Variants in SPMIP11 observed in about 807,000 individuals in gnomAD.
The protein encoded by SPMIP11 is long intergenic non-protein coding RNA 935.
At chr12:48,756,771 C>CTTTTT in the SPMIP11 span, among the ~76,000 whole-genome samples, 15 of 108,714 alleles carry the variant, frequency 1.4e-4, no homozygotes, top group African/African-American at 4.0e-4. Context: ...ATTTTTTTTT[C>CTTTTT]TTTTTTTCTT....
the SPMIP11 span, among the ~76,000 whole-genome samples, chr12:48,761,299 A>T: frequency 6.6e-6 from 1 of 151,928 alleles, no homozygotes; most frequent in South Asian, 2.1e-4. Flanking sequence ...ATACAAAAAA[A>T]TGTTAGCCGG....
At chr12:48,757,645 C>CAAAA in the SPMIP11 span, among the ~76,000 whole-genome samples, 1 of 93,522 alleles carries the variant, frequency 1.1e-5, no homozygotes, top group Non-Finnish European at 2.2e-5. Flanking sequence ...GACTCTATCT[C>CAAAA]AAAAAAATAA....
the SPMIP11 span, among the ~76,000 whole-genome samples, chr12:48,743,959 A>G: frequency 6.7e-6 from 1 of 149,966 alleles, no homozygotes; most frequent in African/African-American, 2.5e-5. Context: ...AAAAAAAAAA[A>G]AAAATTGGCC....
the SPMIP11 span, among the ~76,000 whole-genome samples, chr12:48,769,618 G>A: frequency 7.0e-6 from 1 of 142,822 alleles, no homozygotes; most frequent in African/African-American, 2.6e-5. Context: ...ATGGAGTCTT[G>A]CTCTGTTGCC....
the SPMIP11 span, chr12:48,767,432 G>C: frequency 6.5e-6 from 1 of 152,722 alleles, no homozygotes; most frequent in Admixed American, 6.5e-5. Context: ...TTTATTCCCA[G>C]AAGACAGAGG....
At chr12:48,742,884 T>C in the SPMIP11 span, among the ~76,000 whole-genome samples, 1 of 151,794 alleles carries the variant, frequency 6.6e-6, no homozygotes, top group Non-Finnish European at 1.5e-5. Flanking sequence ...AAACTCCATT[T>C]AAAAAAATAA....
chr12:48,728,109 G>T, the SPMIP11 span, among the ~76,000 whole-genome samples: 88,720 of 151,854 alleles, frequency 0.58, 26,229 homozygotes, highest in East Asian at 0.76. Flanking sequence ...GTCATTCGTT[G>T]GCTCATTTAA....
the SPMIP11 span, chr12:48,759,301 G>A: frequency 1.2e-4 from 87 of 702,842 alleles, no homozygotes; most frequent in Admixed American, 4.2e-4. Context: ...AAGATACCAC[G>A]AAGCTGTCCG....
chr12:48,736,078 C>G, the SPMIP11 span: 1 of 450,394 alleles, frequency 2.2e-6, no homozygotes, highest in South Asian at 1.6e-5. Context: ...TTCATTTTTC[C>G]TATCCCTAGA....
the SPMIP11 span, chr12:48,771,420 T>C: frequency 2.4e-5 from 13 of 549,576 alleles, no homozygotes; most frequent in Non-Finnish European, 3.6e-5. The surrounding 1 kb of genome is among the most constrained non-coding windows in gnomAD (Gnocchi z 4.3). Context: ...CCACAGACTA[T>C]TGCCTTCTTC....
chr12:48,765,355 C>T, the SPMIP11 span, among the ~76,000 whole-genome samples: 2 of 152,190 alleles, frequency 1.3e-5, no homozygotes, highest in South Asian at 2.1e-4. Context: ...CATTAGCTCC[C>T]GAGTAGCTGG....
At chr12:48,758,253 A>G in the SPMIP11 span, among the ~76,000 whole-genome samples, 95,622 of 152,114 alleles carry the variant, frequency 0.63, 30,429 homozygotes, top group East Asian at 0.79. Flanking sequence ...AAAACTACAC[A>G]TGGTGGATAG....
At chr12:48,758,903 T>C in the SPMIP11 span, among the ~76,000 whole-genome samples, 1 of 152,226 alleles carries the variant, frequency 6.6e-6, no homozygotes, top group Non-Finnish European at 1.5e-5. Flanking sequence ...TCTACCCAGA[T>C]AAGGGCCTTT....
At chr12:48,768,393 T>A in the SPMIP11 span, 2 of 714,182 alleles carry the variant, frequency 2.8e-6, no homozygotes, top group Non-Finnish European at 4.6e-6. Context: ...ACTTGCATAA[T>A]CCTCTCGGTA....
At chr12:48,744,046 C>T in the SPMIP11 span, among the ~76,000 whole-genome samples, 2 of 148,898 alleles carry the variant, frequency 1.3e-5, no homozygotes, top group East Asian at 2.0e-4. Flanking sequence ...GTTGGGAATT[C>T]GAGACCAGCC....
the SPMIP11 span, among the ~76,000 whole-genome samples, chr12:48,745,554 C>G: frequency 6.6e-6 from 1 of 152,074 alleles, no homozygotes; most frequent in East Asian, 1.9e-4. Context: ...TGCAGGGAGC[C>G]GAGATTGCAC....
At chr12:48,771,109 TG>T in the SPMIP11 span, 1 of 852,516 alleles carries the variant, frequency 1.2e-6, no homozygotes, top group African/African-American at 1.7e-5. This position sits in a 1 kb window ranked among gnomAD's most constrained non-coding sequence, Gnocchi z 4.3. Flanking sequence ...CTGCTATCAG[TG>T]TAAGACTGAG....
chr12:48,771,236 T>C, the SPMIP11 span: 1 of 537,654 alleles, frequency 1.9e-6, no homozygotes, highest in African/African-American at 1.9e-5. This position sits in a 1 kb window ranked among gnomAD's most constrained non-coding sequence, Gnocchi z 4.3. Flanking sequence ...TATTAAGCAA[T>C]TTCTCCAATC....
chr12:48,749,934 G>A, the SPMIP11 span, among the ~76,000 whole-genome samples: 9 of 151,506 alleles, frequency 5.9e-5, no homozygotes, highest in Admixed American at 1.3e-4. Flanking sequence ...CTCGTGATCC[G>A]CCTGCCTCGG....
Sources: allele counts gnomAD v4.1 joint callset (sites outside exome capture counted in the v4.1 genomes callset), GRCh38; gene constraint gnomAD v4.1.1; non-coding constraint Gnocchi (gnomAD v3.1); transcripts MANE v1.5; gene names NCBI Gene and HGNC (gene_info 2026-07-23, HGNC 2026-07-21).